The following SEC63 variants were observed in gnomAD, a reference collection of about 807,000 sequenced individuals.
SEC63 encodes translocation protein SEC63 homolog.
SEC63 carries 56 observed loss-of-function variants against 116.2 expected under a neutral mutation model. The ratio of observed to expected loss-of-function variants is 0.48; its 90% CI spans 0.39 to 0.60. The LOEUF is 0.60. Among genes scored for constraint, SEC63 ranks in the 20% least tolerant of loss-of-function variants. SEC63 has a pLI of 0.00. For missense variants in SEC63, 668 were observed against 900.0 expected, an observed-to-expected ratio of 0.74 and a Z score of 3.30; for synonymous variants, 273 against 294.6, an observed-to-expected ratio of 0.93 and a Z score of 0.75.
At chr6:107,957,255 A>G (rs953899371) in intron 1 of SEC63, 1 of 152,222 alleles carries the variant, frequency 6.6e-6, no homozygotes, top group Non-Finnish European at 1.5e-5. Flanking sequence ...GGAAACTCCG[A>G]AGAAAAGGAA....
chr6:107,880,768 G>A (rs1158067130), intron 18 of SEC63, among the ~76,000 whole-genome samples: 2 of 152,090 alleles, frequency 1.3e-5, no homozygotes, highest in South Asian at 2.1e-4. Flanking sequence ...TTTTTCATCC[G>A]ATTTAAAACT....
At chr6:107,896,668 G>T (rs1786839973) in intron 14 of SEC63, among the ~76,000 whole-genome samples, 1 of 152,058 alleles carries the variant, frequency 6.6e-6, no homozygotes, top group South Asian at 2.1e-4. Context: ...GGCTGACAAG[G>T]GGTTTTCCTA....
chr6:107,918,859 G>A (rs1381602498), intron 4 of SEC63, among the ~76,000 whole-genome samples: 4 of 150,952 alleles, frequency 2.6e-5, no homozygotes, highest in East Asian at 3.9e-4. Flanking sequence ...CACAGGAAGA[G>A]GCCAAAATGT....
chr6:107,921,921 CAAA>C lies in SEC63; in HGVS notation c.340-15_340-13del, dbSNP rs150022935. 215 of 90,628 alleles carry C rather than the reference CAAA, an allele frequency of 2.4e-3. 2 individuals carry two copies. The highest frequency in any genetic ancestry group is 3.8e-4 in the Non-Finnish European group (23 of 59,992). 5.6% of individuals were successfully genotyped at this position (90,628 alleles called of 1,614,324 possible). A position where few individuals can be genotyped will look rare whatever the true frequency, so the allele number is the denominator to read the frequency against. On this transcript the variant is annotated splice_polypyrimidine_tract_variant and intron_variant, in intron 3 of 20. Coordinates refer to ENST00000369002, the MANE Select transcript of SEC63 (RefSeq NM_007214.5). ...GCTACTGTGGCTCCCTGGGGAAAAA[CAAA>C]AAAAAAAAACAAGCTTTCTGTTAGC...
chr6:107,891,173 T>C (rs1786672825), intron 16 of SEC63, among the ~76,000 whole-genome samples: 2 of 152,192 alleles, frequency 1.3e-5, no homozygotes, highest in African/African-American at 4.8e-5. Flanking sequence ...CCAATTTGGT[T>C]CCATTCTCCC....
At chr6:107,942,388 A>G (rs1332531650) in intron 1 of SEC63, among the ~76,000 whole-genome samples, 3 of 152,128 alleles carry the variant, frequency 2.0e-5, no homozygotes, top group African/African-American at 7.2e-5. Context: ...CACAGTGTTC[A>G]CCCCTCCTCT....
At position 107,882,975 on chromosome 6, in the gene SEC63, C is replaced by G. The variant is rs973854952; in HGVS notation, c.1833+13G>C. Reference sequence around the variant, plus strand: ...TTCCAATTATTTAAATTATTTAAACCTATAAGGCTTACTGCTTCATCATCT... The same window carrying G: ...TTCCAATTATTTAAATTATTTAAACGTATAAGGCTTACTGCTTCATCATCT... On this transcript the variant is annotated intron_variant, in intron 17 of 20. Transcript: ENST00000369002. The G allele has an allele frequency of 6.6e-7, 1 of 1,516,282 alleles. No homozygotes were observed. The highest frequency in any genetic ancestry group is 1.4e-5 in the African/African-American group (1 of 73,004). The allele number at this position is 1,516,282 out of a possible 1,614,324, so 93.9% of individuals were successfully genotyped here.
chr6:107,912,901 A>G (rs1339304222), intron 5 of SEC63, 127 bp from the exon 6 acceptor site: 9 of 754,106 alleles, frequency 1.2e-5, no homozygotes, highest in Non-Finnish European at 2.1e-5. Context: ...AAACTTTGAG[A>G]AAGATTATCT....
intron 13 of SEC63, among the ~76,000 whole-genome samples, 163 bp from the exon 14 acceptor site, chr6:107,897,894 A>C (rs1786899879): frequency 6.6e-6 from 1 of 152,232 alleles, no homozygotes; most frequent in Admixed American, 6.5e-5. Flanking sequence ...ACTCTGTATA[A>C]GGCTCTCCAG....
At chr6:107,946,171 A>G (rs1770477622) in intron 1 of SEC63, among the ~76,000 whole-genome samples, 1 of 151,780 alleles carries the variant, frequency 6.6e-6, no homozygotes, top group South Asian at 2.1e-4. Context: ...TCCCGACCTC[A>G]TGATCCGCCT....
At position 107,902,960 on chromosome 6, in the gene SEC63, T is replaced by A. The variant is rs1787042288; in HGVS notation, c.1093A>T (p.Asn365Tyr). The change falls in exon 12 of 21, where the codon AAC (asparagine) becomes TAC (tyrosine). Residue 365 changes from asparagine (N) to tyrosine (Y), a missense_variant. By Grantham distance (143) the Asn-to-Tyr change is moderately radical. This residue lies in a region of SEC63 where 430 missense variants were observed against 557.5 expected (regional missense o/e 0.77). Coordinates refer to ENST00000369002, the MANE Select transcript of SEC63 (RefSeq NM_007214.5). Reference sequence around the variant, plus strand: ...GCCATCTGAGAAAGCTTCATGCAGTTTTCTAGGGATGCCAAAGTTGGAGCA... The same window carrying A: ...GCCATCTGAGAAAGCTTCATGCAGTATTCTAGGGATGCCAAAGTTGGAGCA... ...FRAPTLASLE[N>Y]CMKLSQMAVQ... 1 of 1,613,966 alleles carries A rather than the reference T, an allele frequency of 6.2e-7. No homozygotes were observed. Among genetic ancestry groups the A allele is most frequent in the Admixed American group, 1.7e-5 (1 of 59,996 alleles).
At chr6:107,903,256 C>T (rs972191507) in intron 11 of SEC63, among the ~76,000 whole-genome samples, 1 of 152,114 alleles carries the variant, frequency 6.6e-6, no homozygotes, top group African/African-American at 2.4e-5. Context: ...AATTATCAGA[C>T]ATTATCAGTA....
intron 1 of SEC63, among the ~76,000 whole-genome samples, chr6:107,949,785 A>G (rs1770543615): frequency 6.6e-6 from 1 of 152,080 alleles, no homozygotes; most frequent in Non-Finnish European, 1.5e-5. Flanking sequence ...GCGTGCCACC[A>G]TGCCTGGCTA....
intron 11 of SEC63, among the ~76,000 whole-genome samples, chr6:107,904,253 T>C (rs1562322903): frequency 6.7e-6 from 1 of 149,532 alleles, no homozygotes; most frequent in Non-Finnish European, 1.5e-5. Context: ...CTACCAAAAA[T>C]ACAAAAATTA....
intron 16 of SEC63, chr6:107,883,491 T>G (rs890252938): frequency 8.4e-6 from 2 of 237,298 alleles, no homozygotes; most frequent in African/African-American, 4.7e-5. Context: ...AACAGGTAGT[T>G]TATAGAAAAG....
At chr6:107,877,127 A>G (rs1488347657) in intron 18 of SEC63, 1 of 154,026 alleles carries the variant, frequency 6.5e-6, no homozygotes, top group Non-Finnish European at 1.4e-5. Flanking sequence ...GTGTATATAT[A>G]TATTTTAGAA....
intron 16 of SEC63, among the ~76,000 whole-genome samples, chr6:107,886,610 A>G (rs968738987): frequency 4.6e-5 from 7 of 152,242 alleles, no homozygotes; most frequent in Admixed American, 2.6e-4. Flanking sequence ...ATGACCAGTG[A>G]TGATGAGCTT....
At chr6:107,930,580 C>T (rs1250712819) in intron 1 of SEC63, among the ~76,000 whole-genome samples, 2 of 151,050 alleles carry the variant, frequency 1.3e-5, no homozygotes, top group Admixed American at 1.3e-4. Flanking sequence ...GCACTCCAGC[C>T]TAGGCAACAA....
rs368205255 is a variant in SEC63, at chr6:107,871,308, A to G, written c.*396T>C. The G allele has an allele frequency of 8.3e-5, 17 of 204,092 alleles. No individual in the cohort carries two copies. The highest frequency in any genetic ancestry group is 8.0e-4 in the Admixed American group (15 of 18,794). 12.6% of individuals were successfully genotyped at this position (204,092 alleles called of 1,614,324 possible). On this transcript the variant is annotated 3_prime_UTR_variant, in exon 21 of 21. Coordinates refer to ENST00000369002, the MANE Select transcript of SEC63 (RefSeq NM_007214.5). ...AAACTTGAGCGATGTTACTTAAAAC[A>G]TATTTGTGGTGTTTGCTAAAACTAA...
Sources: allele counts gnomAD v4.1 joint callset (sites outside exome capture counted in the v4.1 genomes callset), GRCh38; gene constraint gnomAD v4.1.1; regional missense constraint gnomAD v4.1.1; transcripts MANE v1.5; gene names NCBI Gene and HGNC (gene_info 2026-07-23, HGNC 2026-07-21).